GALNT1: variants seen among roughly 807,000 people sequenced by gnomAD.
GALNT1 encodes the protein polypeptide N-acetylgalactosaminyltransferase 1, also known as GalNAc transferase 1.
A neutral mutation model predicts 65.7 loss-of-function variants in GALNT1; 17 were observed. The ratio of observed to expected loss-of-function variants is 0.26; its 90% CI spans 0.18 to 0.39. The LOEUF (loss-of-function observed/expected upper bound fraction) is 0.39, where lower values mean the gene tolerates loss of function less well. Ranked by LOEUF, GALNT1 falls within the 10% of genes least tolerant of loss-of-function variation. The probability of loss-of-function intolerance (pLI) is 1.00; values close to 1 mark genes in which losing one functional copy is unlikely to be tolerated. For missense variants in GALNT1, 460 were observed against 672.8 expected (o/e 0.68, Z 3.50); for synonymous variants, 210 against 219.7 (o/e 0.96, Z 0.39).
intron 11 of GALNT1, 44 bp from the exon 12 acceptor site, chr18:35,709,580 T>G (rs911035301): frequency 3.7e-6 from 6 of 1,602,656 alleles, no homozygotes. Context: ...GCTTGAGGTG[T>G]TTTGTTTTCT....
chr18:35,640,200 C>T (rs1196933993), intron 1 of GALNT1, among the ~76,000 whole-genome samples: 1 of 152,134 alleles, frequency 6.6e-6, no homozygotes, highest in Non-Finnish European at 1.5e-5. Context: ...AAAACCTACC[C>T]TTTAAGATCA....
At chr18:35,629,050 A>G (rs893474964) in intron 1 of GALNT1, among the ~76,000 whole-genome samples, 2 of 152,242 alleles carry the variant, frequency 1.3e-5, no homozygotes, top group Non-Finnish European at 2.9e-5. Flanking sequence ...AAAGCCTCCA[A>G]GAAATATGGG....
chr18:35,703,644 G>GTAAGT lies in GALNT1; in HGVS notation c.1533+4_1533+8dup. 1 of 1,613,750 alleles carries GTAAGT rather than the reference G, an allele frequency of 6.2e-7. No individual in the cohort carries two copies. Among genetic ancestry groups the GTAAGT allele is most frequent in the East Asian group, 2.2e-5 (1 of 44,850 alleles). ...CCAACTCTGGGAGTATGACCCAGTG[G>GTAAGT]TAAGTTATGCAGTTGCCTATAGTAA... On this transcript the variant is annotated splice_donor_variant, in intron 11 of 11. Coordinates refer to ENST00000269195, the MANE Select transcript of GALNT1 (RefSeq NM_020474.4). LOFTEE classifies it high-confidence loss of function.
intron 11 of GALNT1, among the ~76,000 whole-genome samples, chr18:35,705,235 C>T (rs1181308502): frequency 6.6e-6 from 1 of 152,184 alleles, no homozygotes; most frequent in Non-Finnish European, 1.5e-5. Flanking sequence ...CTGCCTGACA[C>T]ACCTTACCCA....
intron 4 of GALNT1, among the ~76,000 whole-genome samples, chr18:35,681,577 A>AAC: frequency 6.6e-6 from 1 of 152,214 alleles, no homozygotes; most frequent in East Asian, 1.9e-4. Context: ...GTTCTGAAGA[A>AAC]ACGTTTTAAA....
chr18:35,589,295 C>T (rs1354437717), intron 1 of GALNT1, among the ~76,000 whole-genome samples: 1 of 152,164 alleles, frequency 6.6e-6, no homozygotes. Flanking sequence ...CTTCTCAACA[C>T]CACCCTGGTG....
chr18:35,699,100 T>C (rs2144716769), intron 9 of GALNT1, among the ~76,000 whole-genome samples: 1 of 152,336 alleles, frequency 6.6e-6, no homozygotes, highest in East Asian at 1.9e-4. Context: ...TAAGTTGAAG[T>C]GGTCATATTT....
intron 7 of GALNT1, among the ~76,000 whole-genome samples, chr18:35,689,725 A>G (rs1296526613): frequency 6.6e-6 from 1 of 152,168 alleles, no homozygotes; most frequent in Admixed American, 6.6e-5. Context: ...CCAGCTTTAT[A>G]TTTTTCAATA....
chr18:35,660,693 C>A (rs749872384), intron 2 of GALNT1, among the ~76,000 whole-genome samples: 3 of 152,178 alleles, frequency 2.0e-5, no homozygotes, highest in Non-Finnish European at 4.4e-5. Flanking sequence ...TAGTTGCTTT[C>A]TAATGCTATA....
intron 3 of GALNT1, among the ~76,000 whole-genome samples, chr18:35,669,011 G>A (rs1461345047): frequency 1.3e-5 from 2 of 152,222 alleles, no homozygotes; most frequent in Non-Finnish European, 2.9e-5. Context: ...GGAGGCCGAG[G>A]TGGGCGGATC....
intron 1 of GALNT1, among the ~76,000 whole-genome samples, chr18:35,648,753 A>T (rs539080066): frequency 6.6e-6 from 1 of 152,288 alleles, no homozygotes; most frequent in East Asian, 1.9e-4. Flanking sequence ...TTGAGATTGA[A>T]TTTATATACA....
chr18:35,585,154 A>G (rs1342285788), intron 1 of GALNT1, among the ~76,000 whole-genome samples: 1 of 152,036 alleles, frequency 6.6e-6, no homozygotes, highest in Admixed American at 6.6e-5. Context: ...AAACTCCTGC[A>G]CCTGACTTTT....
At chr18:35,689,311 T>A (rs770865666) in intron 7 of GALNT1, 21 bp downstream of exon 7, 16 of 1,342,504 alleles carry the variant, frequency 1.2e-5, no homozygotes, top group Non-Finnish European at 1.7e-5. Context: ...TTAAAAAAAT[T>A]TAATCTTTTA....
intron 1 of GALNT1, among the ~76,000 whole-genome samples, chr18:35,613,361 TA>T (rs1281536521): frequency 6.6e-6 from 1 of 151,748 alleles, no homozygotes; most frequent in Non-Finnish European, 1.5e-5. Context: ...GAGTAGAGGT[TA>T]AAAAAAAGGT....
At chr18:35,689,409 T>C (rs1472431880) in intron 7 of GALNT1, 119 bp downstream of exon 7, 2 of 637,576 alleles carry the variant, frequency 3.1e-6, no homozygotes, top group Non-Finnish European at 5.5e-6. Context: ...TTAATGTAAC[T>C]TCAGAGCCTT....
chr18:35,630,308 G>A (rs1407906769), intron 1 of GALNT1, among the ~76,000 whole-genome samples: 1 of 152,162 alleles, frequency 6.6e-6, no homozygotes, highest in Non-Finnish European at 1.5e-5. Context: ...TGGAAGTAAA[G>A]CACTCCTCAG....
intron 1 of GALNT1, among the ~76,000 whole-genome samples, chr18:35,652,490 G>T (rs917697844): frequency 6.6e-6 from 1 of 152,102 alleles, no homozygotes; most frequent in Non-Finnish European, 1.5e-5. Context: ...GCTGCTGCTT[G>T]TGTATGTATG....
chr18:35,627,465 C>A (rs1030378697), intron 1 of GALNT1: 4 of 152,140 alleles, frequency 2.6e-5, no homozygotes, highest in Non-Finnish European at 4.4e-5. Context: ...GATATGAATT[C>A]ATTTGAAAAA....
intron 2 of GALNT1, among the ~76,000 whole-genome samples, chr18:35,659,113 G>C (rs940360591): frequency 1.3e-5 from 2 of 152,158 alleles, no homozygotes; most frequent in Non-Finnish European, 2.9e-5. Flanking sequence ...TTACACTCCA[G>C]AGTGACTTTT....
Sources: allele counts gnomAD v4.1 joint callset (sites outside exome capture counted in the v4.1 genomes callset), GRCh38; gene constraint gnomAD v4.1.1; transcripts MANE v1.5; gene names NCBI Gene and HGNC (gene_info 2026-07-23, HGNC 2026-07-21).